Variants in CACNA2D3 observed in about 807,000 individuals in gnomAD.
CACNA2D3 encodes calcium voltage-gated channel auxiliary subunit alpha2delta 3.
In CACNA2D3, 60 loss-of-function variants were observed where a neutral mutation model predicts 160.6. That is an observed-to-expected ratio of 0.37 (90% confidence interval 0.30 to 0.46). CACNA2D3 has a LOEUF of 0.46. CACNA2D3 is among the 20% of genes least tolerant of loss of function. The pLI is 1.00. For missense variants in CACNA2D3, 1,205 were observed against 1,365.0 expected, an observed-to-expected ratio of 0.88 and a Z score of 1.85; for synonymous variants, 558 against 492.9, an observed-to-expected ratio of 1.13 and a Z score of -1.75.
At chr3:54,923,009 C>T (rs1315655724) in intron 27 of CACNA2D3, among the ~76,000 whole-genome samples, 1 of 152,200 alleles carries the variant, frequency 6.6e-6, no homozygotes, top group African/African-American at 2.4e-5. Flanking sequence ...TGTCTCACCA[C>T]CCTGGTTTGG....
At position 54,920,351 on chromosome 3, in the gene CACNA2D3, G is replaced by A. The variant is rs1700806716; in HGVS notation, c.2449+20483G>A. Among the ~76,000 whole-genome samples, 3 of 152,204 alleles carry A rather than the reference G, an allele frequency of 2.0e-5. No homozygotes were observed. In the South Asian group the frequency reaches 6.2e-4, roughly 32 times the overall value. Reference sequence around the variant, plus strand: ...TGGCCCCAACACACCAGGGTGAGTGGCAGTGGCAAAATTCAACCCATGTCC... The same window carrying A: ...TGGCCCCAACACACCAGGGTGAGTGACAGTGGCAAAATTCAACCCATGTCC... On this transcript the variant is annotated intron_variant, in intron 27 of 37. Coordinates refer to ENST00000474759, the MANE Select transcript of CACNA2D3 (RefSeq NM_018398.3).
intron 11 of CACNA2D3, among the ~76,000 whole-genome samples, chr3:54,693,050 C>CCAA (rs1476526110): frequency 6.6e-6 from 1 of 151,436 alleles, no homozygotes; most frequent in African/African-American, 2.4e-5. Context: ...ACCACCACCA[C>CCAA]CAACAACAAA....
intron 2 of CACNA2D3, among the ~76,000 whole-genome samples, chr3:54,202,988 T>C (rs1701205363): frequency 6.6e-6 from 1 of 152,218 alleles, no homozygotes; most frequent in Admixed American, 6.5e-5. Context: ...AAAACGACTG[T>C]GTCTGGGGAT....
intron 31 of CACNA2D3, among the ~76,000 whole-genome samples, chr3:54,993,099 AAT>A (rs1702778417): frequency 6.6e-6 from 1 of 152,162 alleles, no homozygotes; most frequent in South Asian, 2.1e-4. Flanking sequence ...CCCATGATCC[AAT>A]CTCGGCCCCA....
intron 11 of CACNA2D3, among the ~76,000 whole-genome samples, chr3:54,668,478 G>A (rs1209567769): frequency 6.6e-6 from 1 of 152,212 alleles, no homozygotes; most frequent in Non-Finnish European, 1.5e-5. Context: ...GCCTTTTGCT[G>A]TGTTTAATTA....
chr3:54,854,874 A>C (rs1169780446), intron 17 of CACNA2D3, among the ~76,000 whole-genome samples: 1 of 152,236 alleles, frequency 6.6e-6, no homozygotes, highest in Non-Finnish European at 1.5e-5. Flanking sequence ...AGAAAAACCA[A>C]GAAGACAGCT....
At chr3:54,782,004 G>A (rs1158473041) in intron 13 of CACNA2D3, among the ~76,000 whole-genome samples, 1 of 152,198 alleles carries the variant, frequency 6.6e-6, no homozygotes, top group African/African-American at 2.4e-5. Context: ...TGCAGAGAAA[G>A]GCAAGGCTCC....
intron 9 of CACNA2D3, among the ~76,000 whole-genome samples, chr3:54,618,090 C>G (rs905162836): frequency 5.3e-5 from 8 of 151,654 alleles, no homozygotes; most frequent in African/African-American, 1.9e-4. Flanking sequence ...TGAGTGCCTA[C>G]TATATGCTGA....
Position 54,280,144 on chromosome 3 carries a change from C to T in CACNA2D3, c.205-40298C>T, listed in dbSNP as rs773997250. On this transcript the variant is annotated intron_variant, in intron 2 of 37. Transcript: ENST00000474759. ...TTGCCCAGGCTGGAGTGCAGTGGTG[C>T]GATCTCTGCTCACTACAAGCTCTGC... is the stretch of plus-strand genomic sequence containing the variant. Among the ~76,000 whole-genome samples the T allele has an allele frequency of 4.6e-5, 7 of 152,072 alleles. No homozygotes were observed. In the East Asian group the frequency reaches 5.8e-4, roughly 13 times the overall value.
intron 30 of CACNA2D3, among the ~76,000 whole-genome samples, chr3:54,987,037 C>T (rs768308837): frequency 2.6e-5 from 4 of 152,122 alleles, no homozygotes; most frequent in East Asian, 1.9e-4. Flanking sequence ...TGCAAAGCTT[C>T]GAATGACCTT....
chr3:54,884,601 T>G (rs1484850685), intron 21 of CACNA2D3, among the ~76,000 whole-genome samples: 2 of 152,178 alleles, frequency 1.3e-5, no homozygotes, highest in Non-Finnish European at 1.5e-5. Context: ...CATGTGAAAG[T>G]GCAATGAAAC....
intron 35 of CACNA2D3, among the ~76,000 whole-genome samples, chr3:55,058,340 G>T (rs1704417080): frequency 1.3e-5 from 2 of 152,190 alleles, no homozygotes; most frequent in African/African-American, 4.8e-5. Flanking sequence ...ATTTCAGTCA[G>T]CAAAAATGTA....
intron 2 of CACNA2D3, among the ~76,000 whole-genome samples, chr3:54,295,768 A>G (rs1703328941): frequency 6.6e-6 from 1 of 152,176 alleles, no homozygotes; most frequent in South Asian, 2.1e-4. Context: ...CTTGTCCACA[A>G]AGAATTTCCT....
At chr3:54,764,849 T>C (rs1702188208) in intron 13 of CACNA2D3, among the ~76,000 whole-genome samples, 1 of 152,204 alleles carries the variant, frequency 6.6e-6, no homozygotes, top group Non-Finnish European at 1.5e-5. Context: ...CAGTAGGCAC[T>C]GGATTGTTGT....
intron 29 of CACNA2D3, among the ~76,000 whole-genome samples, chr3:54,978,507 A>G (rs973416164): frequency 1.2e-4 from 18 of 152,252 alleles, no homozygotes; most frequent in Admixed American, 1.3e-4. Context: ...GATGATATCT[A>G]GAAGATTAAA....
intron 5 of CACNA2D3, among the ~76,000 whole-genome samples, chr3:54,526,480 G>T (rs552815544): frequency 1.5e-4 from 23 of 152,214 alleles, no homozygotes; most frequent in Non-Finnish European, 2.8e-4. Flanking sequence ...AGCCTCTGGG[G>T]TTCGTTATTG....
intron 2 of CACNA2D3, among the ~76,000 whole-genome samples, chr3:54,312,440 C>A (rs914963704): frequency 1.3e-5 from 2 of 152,118 alleles, no homozygotes; most frequent in African/African-American, 4.8e-5. Context: ...TGGCTTTTAT[C>A]CGAATTAATT....
intron 27 of CACNA2D3, among the ~76,000 whole-genome samples, chr3:54,935,148 C>T (rs746420967): frequency 5.9e-5 from 9 of 152,282 alleles, no homozygotes; most frequent in South Asian, 4.1e-4. Context: ...CTGTCTAACT[C>T]TCAGGGAACC....
At chr3:54,507,077 G>C (rs1352532979) in intron 5 of CACNA2D3, among the ~76,000 whole-genome samples, 1 of 152,218 alleles carries the variant, frequency 6.6e-6, no homozygotes, top group East Asian at 1.9e-4. Context: ...GGGCAGGTCT[G>C]TTCATGTGTG....
Sources: allele counts gnomAD v4.1 joint callset (sites outside exome capture counted in the v4.1 genomes callset), GRCh38; gene constraint gnomAD v4.1.1; transcripts MANE v1.5; gene names NCBI Gene and HGNC (gene_info 2026-07-23, HGNC 2026-07-21).